SLC12A7: variants seen among roughly 807,000 people sequenced by gnomAD.
SLC12A7 encodes K-Cl cotransporter 4.
A neutral mutation model predicts 120.6 loss-of-function variants in SLC12A7; 100 were observed. The ratio of observed to expected loss-of-function variants is 0.83; its 90% CI spans 0.71 to 0.98. The LOEUF is 0.98. SLC12A7 is among the 50% of genes least tolerant of loss of function. The probability of loss-of-function intolerance (pLI) is 0.00; values close to 1 mark genes in which losing one functional copy is unlikely to be tolerated. For missense variants in SLC12A7, 1,373 were observed against 1,548.1 expected, an observed-to-expected ratio of 0.89 and a Z score of 1.90; for synonymous variants, 760 against 678.0, an observed-to-expected ratio of 1.12 and a Z score of -1.88.
chr5:1,112,678 C>T (rs1579453701), upstream of SLC12A7, among the ~76,000 whole-genome samples: 1 of 99,646 alleles, frequency 1.0e-5, no homozygotes, highest in African/African-American at 4.3e-5. Flanking sequence ...CCAGCACCCA[C>T]CTCCCACACA....
chr5:1,090,213 G>A lies in SLC12A7; in HGVS notation c.343-1085C>T, dbSNP rs565753822. 2.0e-5 allele frequency among the ~76,000 whole-genome samples: 3 copies of A among 152,350 alleles called. No individual in the cohort carries two copies. In the South Asian group the frequency reaches 6.2e-4, roughly 32 times the overall value. On this transcript the variant is annotated intron_variant, in intron 3 of 23. Coordinates refer to ENST00000264930, the MANE Select transcript of SLC12A7 (RefSeq NM_006598.3). ...ACAAAAGCAAACAGGGTGGCTTCTG[G>A]GGTCACCGTGCCGGAACGCCTCCCA...
At chr5:1,154,921 G>A in the SLC12A7 span, among the ~76,000 whole-genome samples, 1 of 152,230 alleles carries the variant, frequency 6.6e-6, no homozygotes, top group Non-Finnish European at 1.5e-5. Flanking sequence ...ACAGCTCAGG[G>A]ACATCTGTCC....
At chr5:1,135,327 GA>G in the SLC12A7 span, among the ~76,000 whole-genome samples, 1 of 152,056 alleles carries the variant, frequency 6.6e-6, no homozygotes, top group Non-Finnish European at 1.5e-5. Context: ...CAGGACCCAG[GA>G]AGTCAACCAC....
Position 1,052,226 on chromosome 5 carries a change from G to A in SLC12A7, c.*134C>T. Reference sequence around the variant, plus strand: ...ACGGGCCTAGAAACTTCCGTAGGAAGCCCCATGGGCAGCTTGGGCGGCATC... The same window carrying A: ...ACGGGCCTAGAAACTTCCGTAGGAAACCCCATGGGCAGCTTGGGCGGCATC... On this transcript the variant is annotated 3_prime_UTR_variant, in exon 24 of 24. Coordinates refer to ENST00000264930, the MANE Select transcript of SLC12A7 (RefSeq NM_006598.3). 1.3e-6 allele frequency: 1 copy of A among 751,914 alleles called. No homozygotes were observed. The allele number at this position is 751,914 out of a possible 1,614,324, so 46.6% of individuals were successfully genotyped here.
upstream of SLC12A7, among the ~76,000 whole-genome samples, chr5:1,116,447 T>C (rs758893478): frequency 2.0e-5 from 3 of 152,214 alleles, no homozygotes; most frequent in Non-Finnish European, 2.9e-5. Flanking sequence ...AATCTGGGAA[T>C]AGAAGGGGCC....
Position 1,089,091 on chromosome 5 carries a change from G to A in SLC12A7, c.380C>T (p.Pro127Leu), listed in dbSNP as rs1313655582. ...RMGTFIGVYL[P>L]CLQNILGVIL... ...GACGCCCAGGATGTTCTGCAGGCAC[G>A]GCAGGTAGACGCCGATGAAGGTGCC... is the stretch of plus-strand genomic sequence containing the variant. Residue 127 changes from proline (P) to leucine (L), a missense_variant, in exon 4 of 24, where the codon CCG becomes CTG. Transcript: ENST00000264930. 44 of 1,612,810 alleles carry A rather than the reference G, an allele frequency of 2.7e-5. No homozygotes were observed. The highest frequency in any genetic ancestry group is 3.3e-5 in the Non-Finnish European group (39 of 1,179,982).
chr5:1,082,709 C>T (rs969057991), intron 8 of SLC12A7, among the ~76,000 whole-genome samples: 50 of 145,146 alleles, frequency 3.4e-4, no homozygotes, highest in Middle Eastern at 4.1e-3. Flanking sequence ...CTTCCCATCT[C>T]GGGTTCTGGA....
intron 1 of SLC12A7, among the ~76,000 whole-genome samples, chr5:1,104,308 C>T (rs1417435093): frequency 2.6e-5 from 4 of 152,208 alleles, no homozygotes; most frequent in Non-Finnish European, 5.9e-5. Context: ...AACTGAGGCA[C>T]AGAGCAAATG....
the SLC12A7 span, among the ~76,000 whole-genome samples, chr5:1,128,330 A>C: frequency 6.6e-6 from 1 of 152,240 alleles, no homozygotes; most frequent in Non-Finnish European, 1.5e-5. Flanking sequence ...CGGAGCAGTC[A>C]GGCCCAGTGG....
At chr5:1,111,808 G>A in intron 1 of SLC12A7, 60 bp downstream of exon 1, 3 of 1,189,382 alleles carry the variant, frequency 2.5e-6, no homozygotes, top group South Asian at 4.2e-5. Context: ...CCCGGATGCC[G>A]GGCCCAGACC....
At chr5:1,130,906 G>C in the SLC12A7 span, among the ~76,000 whole-genome samples, 1 of 152,174 alleles carries the variant, frequency 6.6e-6, no homozygotes, top group Admixed American at 6.5e-5. Flanking sequence ...AGTAAGCCCT[G>C]GGGACAACAT....
chr5:1,052,259 G>T lies in SLC12A7; in HGVS notation c.*101C>A. On this transcript the variant is annotated 3_prime_UTR_variant, in exon 24 of 24. Transcript: ENST00000264930. ...GGCAGCTTGGGCGGCATCACTGGGG[G>T]ACAGGTGTGTCTGCCGTCTGTTTCC... 2.0e-6 allele frequency: 2 copies of T among 994,096 alleles called. No homozygotes were observed. The highest frequency in any genetic ancestry group is 1.3e-5 in the South Asian group (1 of 77,022). The allele number at this position is 994,096 out of a possible 1,614,324, so 61.6% of individuals were successfully genotyped here.
intron 1 of SLC12A7, among the ~76,000 whole-genome samples, chr5:1,099,603 C>T (rs1262114738): frequency 6.6e-6 from 1 of 152,196 alleles, no homozygotes; most frequent in African/African-American, 2.4e-5. Context: ...TCCCCTCCCT[C>T]CTCCCGAAGA....
At chr5:1,103,453 G>A (rs1337673980) in intron 1 of SLC12A7, among the ~76,000 whole-genome samples, 1 of 152,218 alleles carries the variant, frequency 6.6e-6, no homozygotes, top group Non-Finnish European at 1.5e-5. Context: ...AGACATGCAT[G>A]TGTACACATG....
Position 1,064,248 on chromosome 5 carries a change from G to GGT in SLC12A7, c.2440_2441dup (p.Val815ProfsTer78), listed in dbSNP as rs1561041884. On this transcript the variant is annotated frameshift_variant, in exon 19 of 24. Coordinates refer to ENST00000264930, the MANE Select transcript of SLC12A7 (RefSeq NM_006598.3). LOFTEE classifies it high-confidence loss of function. The stretch of plus-strand genomic sequence containing the variant: ...GGTGCGCGGCGGTGGTGTCGCGGAC[G>GGT]GTGTCTGCGGAGAGAGGCGGCCGTC... 1 of 1,608,836 alleles carries GGT rather than the reference G, an allele frequency of 6.2e-7. No individual in the cohort carries two copies. The highest frequency in any genetic ancestry group is 1.1e-5 in the South Asian group (1 of 90,534).
intron 20 of SLC12A7, among the ~76,000 whole-genome samples, chr5:1,062,389 G>C (rs1444021951): frequency 1.3e-5 from 2 of 152,204 alleles, no homozygotes; most frequent in Admixed American, 6.5e-5. Context: ...GTCCAAACAA[G>C]ACAAACTCCA....
chr5:1,060,602 C>A (rs910091205), intron 20 of SLC12A7, 151 bp from the exon 21 acceptor site: 4 of 634,352 alleles, frequency 6.3e-6, no homozygotes, highest in Non-Finnish European at 2.8e-6. Context: ...CTCTCAGGCC[C>A]CCCGCCCAGT....
At chr5:1,054,801 G>A (rs1735436073) in intron 22 of SLC12A7, among the ~76,000 whole-genome samples, 1 of 152,218 alleles carries the variant, frequency 6.6e-6, no homozygotes, top group African/African-American at 2.4e-5. Context: ...GGAACACAGG[G>A]AGAGACCTTC....
chr5:1,102,020 G>A (rs1444683476), intron 1 of SLC12A7, among the ~76,000 whole-genome samples: 1 of 152,166 alleles, frequency 6.6e-6, no homozygotes, highest in Admixed American at 6.5e-5. Flanking sequence ...TAGTTTTCCA[G>A]ACACCTTATC....
Sources: gnomAD v4.1 joint callset for allele counts (sites outside exome capture counted in the v4.1 genomes callset) on GRCh38, gnomAD v4.1.1 for gene constraint, MANE v1.5 for transcripts, NCBI Gene and HGNC (gene_info 2026-07-23, HGNC 2026-07-21) for gene names.